Variants in NFE2L2 observed in about 807,000 individuals in gnomAD.
The protein encoded by NFE2L2 is nuclear factor erythroid 2-related factor 2.
A neutral mutation model predicts 49.6 loss-of-function variants in NFE2L2; 20 were observed. The observed-to-expected ratio is 0.40, with a 90% CI of 0.28 to 0.59. The LOEUF (loss-of-function observed/expected upper bound fraction) is 0.59, where lower values mean the gene tolerates loss of function less well. Among genes scored for constraint, NFE2L2 ranks in the 20% least tolerant of loss-of-function variants. NFE2L2 has a pLI of 0.40. For missense variants in NFE2L2, 578 were observed against 714.2 expected (o/e 0.81, Z 2.17); for synonymous variants, 244 against 256.5 (o/e 0.95, Z 0.47).
chr2:177,233,480 T>C (rs1689631590), intron 2 of NFE2L2, 141 bp from the exon 3 acceptor site: 2 of 708,716 alleles, frequency 2.8e-6, no homozygotes, highest in African/African-American at 1.9e-5. Flanking sequence ...ATCACTTTGA[T>C]GCACAATTTG....
At position 177,230,905 on chromosome 2, in the gene NFE2L2, G is replaced by A. The variant is rs2105451010; in HGVS notation, c.1698C>T (p.Ser566=). The A allele has an allele frequency of 6.2e-7, 1 of 1,614,088 alleles. No individual in the cohort carries two copies. The highest frequency in any genetic ancestry group is 8.5e-7 in the Non-Finnish European group (1 of 1,180,006). Residue 566 remains serine, a synonymous_variant, in exon 5 of 5, where the codon AGC becomes AGT. Transcript: ENST00000397062. ...GTTTTCCATCTTCATCACGTAGCAT[G>A]CTGAAAACTTCGAGATATAAGGTGC... The part of the protein sequence containing the change: ...QLSTLYLEVF[S]MLRDEDGKPY...
chr2:177,263,490 G>A (rs913754499), intron 1 of NFE2L2: 5 of 985,422 alleles, frequency 5.1e-6, no homozygotes, highest in Non-Finnish European at 6.0e-6. Context: ...AGCCGCTCTG[G>A]GGAAAATAGC....
chr2:177,262,686 C>A (rs544076540), intron 1 of NFE2L2, among the ~76,000 whole-genome samples: 1 of 152,248 alleles, frequency 6.6e-6, no homozygotes, highest in East Asian at 1.9e-4. Context: ...ATATGTTTCA[C>A]GCATTTTTGT....
chr2:177,233,712 T>C (rs1689643785), intron 2 of NFE2L2: 2 of 531,486 alleles, frequency 3.8e-6, no homozygotes, highest in Admixed American at 3.6e-5. Flanking sequence ...GTTCTCCTGC[T>C]ACTACTTCTG....
At chr2:177,261,898 T>C (rs1157980347) in intron 1 of NFE2L2, among the ~76,000 whole-genome samples, 1 of 152,168 alleles carries the variant, frequency 6.6e-6, no homozygotes, top group Non-Finnish European at 1.5e-5. Context: ...AATGTACTTG[T>C]TGGGTTCCTT....
In NFE2L2 at chr2:177,230,581, A is replaced by T. The variant is rs1689503691; in HGVS notation, c.*204T>A. The stretch of plus-strand genomic sequence containing the variant: ...ACTAGCCCAAATGGTGTCCTAAGAA[A>T]TTGTTTACAGTTAAAGTGAAACTAC... On this transcript the variant is annotated 3_prime_UTR_variant, in exon 5 of 5. Coordinates refer to ENST00000397062, the MANE Select transcript of NFE2L2 (RefSeq NM_006164.5). 3.8e-6 allele frequency: 2 copies of T among 524,974 alleles called. No individual in the cohort carries two copies. Among genetic ancestry groups the T allele is most frequent in the Non-Finnish European group, 6.2e-6 (2 of 320,464 alleles). The allele number at this position is 524,974 out of a possible 1,614,324, so 32.5% of individuals were successfully genotyped here. A position where few individuals can be genotyped will look rare whatever the true frequency, so the allele number is the denominator to read the frequency against.
In NFE2L2 at chr2:177,231,710, C is replaced by T. The variant is rs1276685271; in HGVS notation, c.893G>A (p.Ser298Asn). The change falls in exon 5 of 5, where the codon AGC (serine) becomes AAC (asparagine). Residue 298 changes from serine (S) to asparagine (N), a missense_variant. Physicochemically the swap from Ser to Asn is conservative, Grantham distance 46. Coordinates refer to ENST00000397062, the MANE Select transcript of NFE2L2 (RefSeq NM_006164.5). ...AFIAEPSISN[S>N]MPSPATLSHS... is the part of the protein sequence containing the mutation. ...GCTTAAAGTAGCAGGTGAGGGCATGCTGTTGCTGATACTGGGCTCAGCTAT... is the reference window on the plus strand; with the variant it reads ...GCTTAAAGTAGCAGGTGAGGGCATGTTGTTGCTGATACTGGGCTCAGCTAT... The T allele has an allele frequency of 6.2e-7, 1 of 1,614,056 alleles. No homozygotes were observed. The highest frequency in any genetic ancestry group is 8.5e-7 in the Non-Finnish European group (1 of 1,180,036).
At chr2:177,258,559 T>C (rs1690615429) in intron 1 of NFE2L2, among the ~76,000 whole-genome samples, 1 of 152,176 alleles carries the variant, frequency 6.6e-6, no homozygotes, top group Non-Finnish European at 1.5e-5. Context: ...ATTCATAGGG[T>C]TGCATAACCC....
At position 177,231,371 on chromosome 2, in the gene NFE2L2, T is replaced by A. The variant is rs760503518; in HGVS notation, c.1232A>T (p.Gln411Leu). The change falls in exon 5 of 5, where the codon CAG becomes CTG. Residue 411 changes from glutamine to leucine, a missense_variant. Gln to Leu is a moderately radical substitution (Grantham distance 113). Transcript: ENST00000397062. ...ATCATGCACGTGAGTGCTCTGCCCC[T>A]GAGATGGTGACAAGGGTTGTACCAT... The part of the protein sequence containing the change: ...GDMVQPLSPS[Q>L]GQSTHVHDAQ... The A allele has an allele frequency of 1.4e-5, 23 of 1,614,152 alleles. No individual in the cohort carries two copies. The highest frequency in any genetic ancestry group is 1.9e-5 in the Non-Finnish European group (23 of 1,180,054).
intron 1 of NFE2L2, chr2:177,263,351 T>C: frequency 1.0e-6 from 1 of 985,338 alleles, no homozygotes; most frequent in African/African-American, 1.7e-5. Context: ...AGCAAAAAAT[T>C]ACTAACAGAC....
At chr2:177,263,675 A>C in intron 1 of NFE2L2, 2 of 985,488 alleles carry the variant, frequency 2.0e-6, no homozygotes, top group South Asian at 4.7e-5. Flanking sequence ...CCGCGTCCGA[A>C]CTAGAAGCCC....
intron 1 of NFE2L2, among the ~76,000 whole-genome samples, chr2:177,261,121 A>C (rs1690719966): frequency 6.6e-6 from 1 of 150,688 alleles, no homozygotes; most frequent in African/African-American, 2.5e-5. Flanking sequence ...CAGTGAGCCA[A>C]GATCAGGCCA....
rs1239631579 is a variant in NFE2L2 at position 177,264,609 on chromosome 2, G to A, written c.-33C>T. 3 of 1,447,928 alleles carry A rather than the reference G, an allele frequency of 2.1e-6. No homozygotes were observed. Among genetic ancestry groups the A allele is most frequent in the Non-Finnish European group, 2.7e-6 (3 of 1,091,242 alleles). The allele number at this position is 1,447,928 out of a possible 1,614,324, so 89.7% of individuals were successfully genotyped here. On this transcript the variant is annotated 5_prime_UTR_variant, in exon 1 of 5. Coordinates refer to ENST00000397062, the MANE Select transcript of NFE2L2 (RefSeq NM_006164.5). Reference sequence around the variant, plus strand: ...TGTGGACCGTGTGTTGGGGCTCCCCGACGGCGGCCCTGTTCCGGCTGCCGA... The same window carrying A: ...TGTGGACCGTGTGTTGGGGCTCCCCAACGGCGGCCCTGTTCCGGCTGCCGA...
intron 1 of NFE2L2, chr2:177,255,990 GTT>G (rs574224659): frequency 2.6e-5 from 4 of 154,564 alleles, no homozygotes; most frequent in African/African-American, 4.8e-5. Context: ...GAAAATGAGA[GTT>G]TTTTACTTGC....
intron 1 of NFE2L2, among the ~76,000 whole-genome samples, chr2:177,252,917 G>A (rs113166073): frequency 0.013 from 2,006 of 152,292 alleles, 39 homozygotes; most frequent in African/African-American, 0.046. Flanking sequence ...ACCTGCCACA[G>A]TAACTTCCTA....
intron 1 of NFE2L2, among the ~76,000 whole-genome samples, chr2:177,249,502 G>C (rs1690257707): frequency 6.6e-6 from 1 of 152,088 alleles, no homozygotes; most frequent in African/African-American, 2.4e-5. Flanking sequence ...CCATAAGTCT[G>C]AAAATAATGA....
At chr2:177,258,336 A>C (rs1420079716) in intron 1 of NFE2L2, among the ~76,000 whole-genome samples, 1 of 152,234 alleles carries the variant, frequency 6.6e-6, no homozygotes. Flanking sequence ...CAGAAGGATA[A>C]ATACTGTATG....
chr2:177,253,561 GA>G (rs955642699), intron 1 of NFE2L2, among the ~76,000 whole-genome samples: 1 of 151,944 alleles, frequency 6.6e-6, no homozygotes, highest in African/African-American at 2.4e-5. Flanking sequence ...AATATTTGCG[GA>G]ATGAGTACGT....
At chr2:177,237,518 C>T (rs1689790708) in intron 1 of NFE2L2, among the ~76,000 whole-genome samples, 1 of 151,630 alleles carries the variant, frequency 6.6e-6, no homozygotes, top group African/African-American at 2.4e-5. Flanking sequence ...GAGAAACCTA[C>T]TTTATTTTAT....
Sources: allele counts gnomAD v4.1 joint callset (sites outside exome capture counted in the v4.1 genomes callset), GRCh38; gene constraint gnomAD v4.1.1; transcripts MANE v1.5; gene names NCBI Gene and HGNC (gene_info 2026-07-23, HGNC 2026-07-21).